XKR6: variants seen among roughly 807,000 people sequenced by gnomAD.
XKR6 encodes the protein XK-related protein 6.
In XKR6, 22 loss-of-function variants were observed where a neutral mutation model predicts 56.7. The observed-to-expected ratio is 0.39, with a 90% CI of 0.28 to 0.55. XKR6 has a LOEUF of 0.55. XKR6 is among the 20% of genes least tolerant of loss of function. The pLI is 0.66. For synonymous variants in XKR6, 524 were observed against 387.8 expected, an observed-to-expected ratio of 1.35 and a Z score of -4.13; for missense variants, 852 against 889.0, an observed-to-expected ratio of 0.96 and a Z score of 0.53.
At chr8:11,037,385 C>G (rs1799172934) in intron 1 of XKR6, among the ~76,000 whole-genome samples, 1 of 152,194 alleles carries the variant, frequency 6.6e-6, no homozygotes, top group South Asian at 2.1e-4. Context: ...ATCACCACGA[C>G]TGGCTAATCT....
intron 1 of XKR6, among the ~76,000 whole-genome samples, chr8:11,019,973 G>A (rs1181018287): frequency 1.3e-5 from 2 of 152,158 alleles, no homozygotes; most frequent in African/African-American, 4.8e-5. Flanking sequence ...ATAATCCACT[G>A]GAGAGAAGGG....
intron 1 of XKR6, among the ~76,000 whole-genome samples, chr8:11,090,825 G>A (rs1445534433): frequency 1.3e-5 from 2 of 152,068 alleles, no homozygotes; most frequent in East Asian, 3.8e-4. Context: ...CCTACCATCT[G>A]GGGCTTATCT....
chr8:10,950,170 T>A (rs1586344277), intron 1 of XKR6, among the ~76,000 whole-genome samples: 1 of 151,788 alleles, frequency 6.6e-6, no homozygotes, highest in South Asian at 2.1e-4. Context: ...CAGGTGGGGG[T>A]GGGACTCCAC....
At chr8:11,145,516 T>C (rs931825985) in intron 1 of XKR6, among the ~76,000 whole-genome samples, 3 of 152,164 alleles carry the variant, frequency 2.0e-5, no homozygotes, top group African/African-American at 7.2e-5. Context: ...AACTAAGACT[T>C]AGCAAGATTG....
At position 11,162,331 on chromosome 8, in the gene XKR6, G is replaced by A. The variant is rs567152512; in HGVS notation, c.764+38245C>T. On this transcript the variant is annotated intron_variant, in intron 1 of 2. Transcript: ENST00000416569. ...CCGCCTTCTCCCCCTTGGCCCTGAAGAGCTACACTCCAGCCTCCCAAACTC... is the reference window on the plus strand; with the variant it reads ...CCGCCTTCTCCCCCTTGGCCCTGAAAAGCTACACTCCAGCCTCCCAAACTC... 1.1e-4 allele frequency among the ~76,000 whole-genome samples: 16 copies of A among 152,198 alleles called. No homozygotes were observed. In the South Asian group the frequency reaches 3.3e-3, roughly 32 times the overall value.
intron 1 of XKR6, among the ~76,000 whole-genome samples, chr8:10,946,839 A>C (rs1423966741): frequency 6.6e-6 from 1 of 152,160 alleles, no homozygotes; most frequent in Admixed American, 6.5e-5. Flanking sequence ...ATTGCTAGGC[A>C]TGAGATATTT....
chr8:10,912,606 A>G (rs1800429080), intron 2 of XKR6, among the ~76,000 whole-genome samples: 1 of 146,568 alleles, frequency 6.8e-6, no homozygotes, highest in African/African-American at 2.5e-5. Flanking sequence ...AGAGAGAGAG[A>G]AAGAGGGTGT....
intron 1 of XKR6, among the ~76,000 whole-genome samples, chr8:11,153,851 A>G (rs1801378079): frequency 6.6e-6 from 1 of 152,062 alleles, no homozygotes; most frequent in South Asian, 2.1e-4. Context: ...TTTCCTCCCA[A>G]ATATTTCCAG....
At position 11,017,570 on chromosome 8, in the gene XKR6, G is replaced by A. The variant is rs541748226; in HGVS notation, c.765-92740C>T. The stretch of plus-strand genomic sequence containing the variant: ...TTGCAGCTGCCTGTGGCTGGGTTCC[G>A]GCACTCAGAGACCCTGGGCCTGCTC... On this transcript the variant is annotated intron_variant, in intron 1 of 2. Transcript: ENST00000416569. 7.2e-5 allele frequency among the ~76,000 whole-genome samples: 11 copies of A among 152,346 alleles called. No homozygotes were observed. In the South Asian group the frequency reaches 1.7e-3, roughly 23 times the overall value.
intron 1 of XKR6, among the ~76,000 whole-genome samples, chr8:11,112,315 A>T (rs183988301): frequency 6.6e-6 from 1 of 152,206 alleles, no homozygotes; most frequent in Non-Finnish European, 1.5e-5. Context: ...AATAGCGGTT[A>T]CAGTCTTTGT....
At chr8:10,957,674 C>A (rs192268492) in intron 1 of XKR6, among the ~76,000 whole-genome samples, 2 of 152,292 alleles carry the variant, frequency 1.3e-5, no homozygotes, top group East Asian at 3.9e-4. Flanking sequence ...TCACTCTGGG[C>A]AGCATGGCCC....
chr8:11,054,754 A>T (rs552155962), intron 1 of XKR6, among the ~76,000 whole-genome samples: 2 of 152,114 alleles, frequency 1.3e-5, no homozygotes, highest in African/African-American at 4.8e-5. Context: ...GGGGTGTGAT[A>T]TTGCTGGTGT....
chr8:11,083,625 A>G (rs989888420), intron 1 of XKR6, among the ~76,000 whole-genome samples: 1 of 152,236 alleles, frequency 6.6e-6, no homozygotes, highest in Non-Finnish European at 1.5e-5. Context: ...GAGGACAGGA[A>G]TGAGTTCATA....
At chr8:11,120,929 A>C (rs1359832369) in intron 1 of XKR6, among the ~76,000 whole-genome samples, 3 of 152,226 alleles carry the variant, frequency 2.0e-5, no homozygotes, top group Non-Finnish European at 4.4e-5. Context: ...AAAAACAAGC[A>C]ATGGGGAAAG....
intron 1 of XKR6, among the ~76,000 whole-genome samples, chr8:11,188,088 A>T (rs188115722): frequency 6.6e-6 from 1 of 152,242 alleles, no homozygotes; most frequent in Non-Finnish European, 1.5e-5. Flanking sequence ...GAGGTTTTTC[A>T]GGAATGTGTG....
chr8:11,048,672 G>C (rs1267790586), intron 1 of XKR6, among the ~76,000 whole-genome samples: 1 of 152,168 alleles, frequency 6.6e-6, no homozygotes. Flanking sequence ...AGCCCTGGAG[G>C]CTGAGTCCCC....
intron 2 of XKR6, among the ~76,000 whole-genome samples, chr8:10,907,644 A>T (rs190138690): frequency 8.5e-5 from 13 of 152,372 alleles, no homozygotes; most frequent in Non-Finnish European, 1.6e-4. Context: ...TCCAAAACTC[A>T]GATTATTTTC....
chr8:11,052,809 G>C (rs190714402), intron 1 of XKR6, among the ~76,000 whole-genome samples: 3 of 151,416 alleles, frequency 2.0e-5, no homozygotes, highest in African/African-American at 7.3e-5. Context: ...TAGAGGGCTC[G>C]TTAGGATTCC....
At chr8:11,189,628 C>T (rs538977091) in intron 1 of XKR6, among the ~76,000 whole-genome samples, 2 of 152,290 alleles carry the variant, frequency 1.3e-5, no homozygotes, top group South Asian at 4.1e-4. Context: ...CCAAGCAATT[C>T]TAACATATGC....
Sources: allele counts gnomAD v4.1 joint callset (sites outside exome capture counted in the v4.1 genomes callset), GRCh38; gene constraint gnomAD v4.1.1; transcripts MANE v1.5; gene names NCBI Gene and HGNC (gene_info 2026-07-23, HGNC 2026-07-21).